WDTC1: variants seen among roughly 807,000 people sequenced by gnomAD.
The protein encoded by WDTC1 is WD and tetratricopeptide repeats 1.
Under a neutral mutation model 76.0 loss-of-function variants are expected in WDTC1, and 12 were observed. The observed-to-expected ratio is 0.16, with a 90% confidence interval of 0.10 to 0.26. The LOEUF is 0.26. Ranked by LOEUF, WDTC1 falls within the 10% of genes least tolerant of loss-of-function variation. The pLI is 1.00. For synonymous variants in WDTC1, 326 were observed against 350.8 expected (o/e 0.93, Z 0.79); for missense variants, 511 against 908.8 (o/e 0.56, Z 5.63).
At chr1:27,265,101 G>C (rs183655422) in intron 3 of WDTC1, among the ~76,000 whole-genome samples, 1 of 152,076 alleles carries the variant, frequency 6.6e-6, no homozygotes, top group East Asian at 1.9e-4. Flanking sequence ...ACTGTGCCTA[G>C]CCCACACTGT....
rs573464880 is a variant in WDTC1, at chr1:27,298,837, G to A, written c.1232+726G>A. Among the ~76,000 whole-genome samples, 11 of 148,064 alleles carry A rather than the reference G, an allele frequency of 7.4e-5. No homozygotes were observed. In the South Asian group the frequency reaches 2.2e-3, roughly 30 times the overall value. ...GCCATTTCTGCTCCGTCTGGCATCC[G>A]TCGGCTCTGCCCAGACAGACAGGCC... On this transcript the variant is annotated intron_variant, in intron 12 of 15. Transcript: ENST00000319394.
chr1:27,307,366 A>G lies in WDTC1; in HGVS notation c.*983A>G, dbSNP rs1199049989. The G allele has an allele frequency of 6.5e-6, 1 of 152,996 alleles. No homozygotes were observed. Among genetic ancestry groups the G allele is most frequent in the Non-Finnish European group, 1.5e-5 (1 of 68,360 alleles). The allele number at this position is 152,996 out of a possible 1,614,324, so 9.5% of individuals were successfully genotyped here. On this transcript the variant is annotated 3_prime_UTR_variant, in exon 16 of 16. Coordinates refer to ENST00000319394, the MANE Select transcript of WDTC1 (RefSeq NM_001276252.2). This position sits in a 1 kb window ranked among gnomAD's most constrained non-coding sequence, Gnocchi z 4.1. ...GTCTCCTGAGCCACTCAGATGGGAA[A>G]GTCCCTTACTCGGCCCCTCCCTCCC...
intron 1 of WDTC1, among the ~76,000 whole-genome samples, chr1:27,246,983 C>T (rs542234937): frequency 1.3e-5 from 2 of 151,660 alleles, no homozygotes; most frequent in Non-Finnish European, 1.5e-5. Flanking sequence ...CCTCCTACCT[C>T]GGACTCCCAA....
Position 27,298,839 on chromosome 1 carries a change from C to T in WDTC1, c.1232+728C>T, listed in dbSNP as rs1489060192. Reference sequence around the variant, plus strand: ...CATTTCTGCTCCGTCTGGCATCCGTCGGCTCTGCCCAGACAGACAGGCCAG... The same window carrying T: ...CATTTCTGCTCCGTCTGGCATCCGTTGGCTCTGCCCAGACAGACAGGCCAG... On this transcript the variant is annotated intron_variant, in intron 12 of 15. Transcript: ENST00000319394. Among the ~76,000 whole-genome samples, 5 of 151,630 alleles carry T rather than the reference C, an allele frequency of 3.3e-5. No individual in the cohort carries two copies. The South Asian group carries it at 6.3e-4, about 19-fold the overall frequency.
chr1:27,280,113 G>T (rs1181463980), intron 3 of WDTC1, among the ~76,000 whole-genome samples: 1 of 152,182 alleles, frequency 6.6e-6, no homozygotes, highest in Non-Finnish European at 1.5e-5. Flanking sequence ...GATATTTGTT[G>T]TATTTTATGG....
Position 27,301,601 on chromosome 1 carries a change from T to C in WDTC1, c.1468+140T>C. 3 of 947,354 alleles carry C rather than the reference T, an allele frequency of 3.2e-6. No individual in the cohort carries two copies. Among genetic ancestry groups the C allele is most frequent in the Non-Finnish European group, 3.1e-6 (2 of 636,338 alleles). The allele number at this position is 947,354 out of a possible 1,614,324, so 58.7% of individuals were successfully genotyped here. A position where few individuals can be genotyped will look rare whatever the true frequency, so the allele number is the denominator to read the frequency against. On this transcript the variant is annotated intron_variant, in intron 13 of 15. Coordinates refer to ENST00000319394, the MANE Select transcript of WDTC1 (RefSeq NM_001276252.2). The surrounding 1 kb of genome is among the most constrained non-coding windows in gnomAD (Gnocchi z 5.8). ...AGAAACCATGCAACTTTGGGGCAGT[T>C]ACTTGGTGTCTCTCTCAGAGTGTTT...
At chr1:27,234,548 C>T (rs982773123), upstream of WDTC1, 9 of 379,896 alleles carry the variant, frequency 2.4e-5, no homozygotes, top group Non-Finnish European at 3.3e-5. Flanking sequence ...ATTCTGGAAG[C>T]GGCCGGGCGC....
chr1:27,269,621 G>GTTTTTTTTTTTT, intron 3 of WDTC1, among the ~76,000 whole-genome samples: 1 of 126,868 alleles, frequency 7.9e-6, no homozygotes, highest in Non-Finnish European at 1.6e-5. Context: ...TTTTTTTTCG[G>GTTTTTTTTTTTT]TTTTTTTTTT....
chr1:27,288,341 TTAA>T (rs1471534793), intron 6 of WDTC1, among the ~76,000 whole-genome samples: 2 of 151,706 alleles, frequency 1.3e-5, no homozygotes, highest in Admixed American at 1.3e-4. Flanking sequence ...TATTAATTAA[TTAA>T]TTTTTATTTA....
chr1:27,236,836 G>A (rs576411005), intron 1 of WDTC1, among the ~76,000 whole-genome samples: 1 of 152,034 alleles, frequency 6.6e-6, no homozygotes, highest in Non-Finnish European at 1.5e-5. Context: ...ATGTATGTAT[G>A]TATTTATTTA....
chr1:27,297,011 G>C (rs745436326), intron 10 of WDTC1, 37 bp from the exon 11 acceptor site: 27 of 1,598,388 alleles, frequency 1.7e-5, no homozygotes, highest in Non-Finnish European at 2.2e-5. Context: ...TCCTCTTCCT[G>C]AGTTGTTGCT....
At chr1:27,250,420 G>A (rs2012008424) in intron 1 of WDTC1, among the ~76,000 whole-genome samples, 1 of 152,106 alleles carries the variant, frequency 6.6e-6, no homozygotes, top group Admixed American at 6.6e-5. Context: ...AAAGTGCTGG[G>A]ATTACAGGCG....
At chr1:27,251,529 G>T (rs1195346461) in intron 1 of WDTC1, among the ~76,000 whole-genome samples, 2 of 152,006 alleles carry the variant, frequency 1.3e-5, no homozygotes, top group African/African-American at 2.4e-5. Context: ...ACTTATAGTA[G>T]ACCTTTGGGC....
chr1:27,272,635 G>A (rs1240497087), intron 3 of WDTC1, among the ~76,000 whole-genome samples: 1 of 152,136 alleles, frequency 6.6e-6, no homozygotes, highest in Non-Finnish European at 1.5e-5. Context: ...GAACTCTAAG[G>A]TACTGGATTG....
chr1:27,280,960 T>TTTTTA lies in WDTC1; in HGVS notation c.133-1259_133-1255dup, dbSNP rs996937252. ...ATCTCTCTCCTTTTTCTTTTTCTTA[T>TTTTTA]TTTTATTTTATTTTATTTTATTTTT... On this transcript the variant is annotated intron_variant, in intron 3 of 15. Transcript: ENST00000319394. Among the ~76,000 whole-genome samples the TTTTTA allele has an allele frequency of 9.2e-5, 14 of 152,240 alleles. No individual in the cohort carries two copies. In the East Asian group the frequency reaches 2.1e-3, roughly 23 times the overall value.
intron 3 of WDTC1, among the ~76,000 whole-genome samples, chr1:27,263,954 T>C (rs1277918715): frequency 6.6e-6 from 1 of 152,014 alleles, no homozygotes; most frequent in African/African-American, 2.4e-5. Flanking sequence ...ACTTTCTTAT[T>C]TTAGCATCAA....
At chr1:27,281,112 C>T (rs368137093) in intron 3 of WDTC1, among the ~76,000 whole-genome samples, 1 of 151,980 alleles carries the variant, frequency 6.6e-6, no homozygotes, top group East Asian at 1.9e-4. Flanking sequence ...TTTTTATACT[C>T]CTGTACCCCC....
At chr1:27,289,853 C>T (rs1298694824) in intron 6 of WDTC1, among the ~76,000 whole-genome samples, 1 of 152,204 alleles carries the variant, frequency 6.6e-6, no homozygotes, top group Non-Finnish European at 1.5e-5. Flanking sequence ...GGCGTGGCGG[C>T]ACGCGCCTGC....
intron 2 of WDTC1, among the ~76,000 whole-genome samples, chr1:27,262,723 T>C (rs570584466): frequency 5.0e-4 from 76 of 152,192 alleles, no homozygotes; most frequent in African/African-American, 1.8e-3. Context: ...TTTGTGGAAG[T>C]TTTTTGTGTG....
Sources: allele counts gnomAD v4.1 joint callset (sites outside exome capture counted in the v4.1 genomes callset), GRCh38; gene constraint gnomAD v4.1.1; non-coding constraint Gnocchi (gnomAD v3.1); transcripts MANE v1.5; gene names NCBI Gene and HGNC (gene_info 2026-07-23, HGNC 2026-07-21).